QRICH1: variants seen among roughly 807,000 people sequenced by gnomAD.
QRICH1 encodes transcriptional regulator QRICH1.
QRICH1 carries 16 observed loss-of-function variants against 87.1 expected under a neutral mutation model. That is an observed-to-expected ratio of 0.18 (90% CI 0.12 to 0.28). QRICH1 has a LOEUF of 0.28. Ranked by LOEUF, QRICH1 falls within the 10% of genes least tolerant of loss-of-function variation. The probability of loss-of-function intolerance (pLI) is 1.00; values close to 1 mark genes in which losing one functional copy is unlikely to be tolerated. For missense variants in QRICH1, 647 were observed against 951.7 expected (o/e 0.68, Z 4.21); for synonymous variants, 367 against 368.4 (o/e 1.00, Z 0.05).
intron 2 of QRICH1, among the ~76,000 whole-genome samples, chr3:49,064,700 C>G (rs1181272263): frequency 1.3e-5 from 2 of 151,972 alleles, no homozygotes; most frequent in Admixed American, 6.6e-5. Context: ...CCCGTCTATA[C>G]TAAAACAAAA....
At chr3:49,031,133 C>T (rs1408151690) in intron 9 of QRICH1, among the ~76,000 whole-genome samples, 2 of 151,836 alleles carry the variant, frequency 1.3e-5, no homozygotes, top group African/African-American at 2.4e-5. Flanking sequence ...ACCATAGGCA[C>T]GAGCCACCAA....
intron 1 of QRICH1, among the ~76,000 whole-genome samples, chr3:49,090,643 A>G (rs890026891): frequency 1.3e-5 from 2 of 150,804 alleles, no homozygotes; most frequent in African/African-American, 2.4e-5. Context: ...AAAAAAAAAA[A>G]AGAGAAAAGA....
intron 6 of QRICH1, 63 bp from the exon 7 acceptor site, chr3:49,033,291 T>G (rs2093253640): frequency 9.6e-7 from 1 of 1,037,620 alleles, no homozygotes; most frequent in African/African-American, 1.7e-5. Context: ...AGGTACAATA[T>G]GGGATGTGTG....
At chr3:49,063,490 G>C (rs2093447218) in intron 2 of QRICH1, among the ~76,000 whole-genome samples, 1 of 152,164 alleles carries the variant, frequency 6.6e-6, no homozygotes, top group Non-Finnish European at 1.5e-5. Context: ...AGATTTCTTA[G>C]TCAAAGCCTG....
In QRICH1 at chr3:49,049,211, G is replaced by A. The variant is rs368251496; in HGVS notation, c.1339-1965C>T. Among the ~76,000 whole-genome samples the A allele has an allele frequency of 6.6e-5, 10 of 151,182 alleles. 1 individual carries two copies. In the East Asian group the frequency reaches 1.8e-3, roughly 27 times the overall value. On this transcript the variant is annotated intron_variant, in intron 3 of 9. Transcript: ENST00000395443. ...GAGCCACTGTGCCTGGCCTTCCCAG[G>A]TGATTTTAATGTCCAGCCACAGTTG...
In QRICH1 at chr3:49,092,626, G is replaced by A. The variant is rs533951477; in HGVS notation, c.-22+1286C>T. On this transcript the variant is annotated intron_variant, in intron 1 of 9. Coordinates refer to ENST00000395443, the MANE Select transcript of QRICH1 (RefSeq NM_198880.3). ...AGCTTCCTATTCCTTAAGCTTAATT[G>A]AGCAAGACTGTAAATCAAACTAGCA... Among the ~76,000 whole-genome samples, 426 of 152,088 alleles carry A rather than the reference G, an allele frequency of 2.8e-3. 4 individuals carry two copies. Among genetic ancestry groups the A allele is most frequent in the African/African-American group, 9.8e-3 (405 of 41,474 alleles).
chr3:49,035,002 T>C (rs922788779), intron 6 of QRICH1, among the ~76,000 whole-genome samples: 2 of 152,234 alleles, frequency 1.3e-5, no homozygotes, highest in African/African-American at 4.8e-5. Context: ...GGCTCTCTAA[T>C]AGTGCATTTC....
Position 49,046,843 on chromosome 3 carries a change from C to T in QRICH1, c.1516+226G>A, listed in dbSNP as rs1055652852. Among the ~76,000 whole-genome samples the T allele has an allele frequency of 1.4e-4, 21 of 152,266 alleles. 1 individual carries two copies. Among genetic ancestry groups the T allele is most frequent in the Middle Eastern group, 6.8e-3 (2 of 292 alleles). ...GGTCTGGTAGGGTCAACTCCTGAAA[C>T]CCGTATGTCTAAAAATGCCTGGTTT... On this transcript the variant is annotated intron_variant, in intron 4 of 9. Transcript: ENST00000395443.
intron 6 of QRICH1, among the ~76,000 whole-genome samples, chr3:49,035,912 A>AG (rs1189960294): frequency 2.0e-5 from 1 of 50,146 alleles, no homozygotes; most frequent in Non-Finnish European, 4.2e-5. Flanking sequence ...CCATTTCTAC[A>AG]AAAAAAAAAA....
intron 1 of QRICH1, among the ~76,000 whole-genome samples, chr3:49,079,331 G>A (rs2042012886): frequency 6.6e-6 from 1 of 151,762 alleles, no homozygotes; most frequent in African/African-American, 2.4e-5. Flanking sequence ...CTGAGGTGGA[G>A]GATTGCTTGA....
intron 3 of QRICH1, among the ~76,000 whole-genome samples, chr3:49,052,475 C>T (rs1445552604): frequency 6.6e-6 from 1 of 152,106 alleles, no homozygotes. Context: ...CCAGGGCCAG[C>T]CCATGCAGGG....
intron 2 of QRICH1, among the ~76,000 whole-genome samples, chr3:49,074,651 T>C (rs562976711): frequency 6.6e-6 from 1 of 151,966 alleles, no homozygotes; most frequent in East Asian, 1.9e-4. Context: ...AAAAGATCTC[T>C]AATTTCAAAA....
chr3:49,083,265 G>C (rs529330663), intron 1 of QRICH1: 1 of 149,572 alleles, frequency 6.7e-6, no homozygotes, highest in African/African-American at 2.5e-5. Flanking sequence ...TGCAGTCCCA[G>C]CTACTCAAGA....
chr3:49,045,283 G>T (rs1559929890), intron 5 of QRICH1, among the ~76,000 whole-genome samples: 1 of 124,446 alleles, frequency 8.0e-6, no homozygotes. Flanking sequence ...TGAAAATCAG[G>T]TTTAACAAAA....
intron 4 of QRICH1, 117 bp downstream of exon 4, chr3:49,046,952 A>ATACTATTACT: frequency 8.6e-7 from 1 of 1,161,354 alleles, no homozygotes; most frequent in Non-Finnish European, 1.2e-6. Context: ...ATACTATTAC[A>ATACTATTACT]GATGTTGCTC....
intron 2 of QRICH1, among the ~76,000 whole-genome samples, chr3:49,072,518 C>T (rs1473655939): frequency 6.6e-6 from 1 of 150,626 alleles, no homozygotes; most frequent in Non-Finnish European, 1.5e-5. Flanking sequence ...AGAATGAGAC[C>T]CTGTCTCCAT....
chr3:49,060,957 C>T (rs1035393473), intron 2 of QRICH1, among the ~76,000 whole-genome samples: 4 of 151,232 alleles, frequency 2.6e-5, no homozygotes, highest in Admixed American at 1.3e-4. Context: ...ATGGTGAAAC[C>T]CCACCTCTAC....
intron 6 of QRICH1, among the ~76,000 whole-genome samples, chr3:49,036,849 G>C (rs1250727202): frequency 6.6e-6 from 1 of 151,978 alleles, no homozygotes; most frequent in Non-Finnish European, 1.5e-5. Context: ...GAATGCCTAA[G>C]CTCAGGAGTT....
rs758133890 is a variant in QRICH1, at chr3:49,045,911, C to CT, written c.1671+513dup. On this transcript the variant is annotated intron_variant, in intron 5 of 9. Coordinates refer to ENST00000395443, the MANE Select transcript of QRICH1 (RefSeq NM_198880.3). ...GCCTGGCTCTTATTTTTTTTCTTTTCTTTTCTTTTTTTTTTAATTTTTGAG... is the reference window on the plus strand; with the variant it reads ...GCCTGGCTCTTATTTTTTTTCTTTTCTTTTTCTTTTTTTTTTAATTTTTGAG... Among the ~76,000 whole-genome samples the CT allele has an allele frequency of 1.1e-4, 17 of 149,910 alleles. No individual in the cohort carries two copies. The East Asian group carries it at 2.4e-3, about 21-fold the overall frequency.
Sources: gnomAD v4.1 joint callset for allele counts (sites outside exome capture counted in the v4.1 genomes callset) on GRCh38, gnomAD v4.1.1 for gene constraint, MANE v1.5 for transcripts, NCBI Gene and HGNC (gene_info 2026-07-23, HGNC 2026-07-21) for gene names.